PRSS12: variants seen among roughly 807,000 people sequenced by gnomAD.
The protein encoded by PRSS12 is neurotrypsin.
A neutral mutation model predicts 104.4 loss-of-function variants in PRSS12; 85 were observed. The ratio of observed to expected loss-of-function variants is 0.81; its 90% CI spans 0.68 to 0.98. The LOEUF (loss-of-function observed/expected upper bound fraction) is 0.98, where lower values mean the gene tolerates loss of function less well. Ranked by LOEUF, PRSS12 falls within the 50% of genes least tolerant of loss-of-function variation. PRSS12 has a pLI of 0.00. For synonymous variants in PRSS12, 454 were observed against 425.2 expected (o/e 1.07, Z -0.83); for missense variants, 1,141 against 1,139.2 (o/e 1.00, Z -0.02).
chr4:118,324,983 G>A (rs28604281), intron 4 of PRSS12, among the ~76,000 whole-genome samples: 27,692 of 151,978 alleles, frequency 0.18, 2,933 homozygotes, highest in South Asian at 0.34. Flanking sequence ...GATTACAGGC[G>A]TGAGCCACCA....
intron 3 of PRSS12, among the ~76,000 whole-genome samples, chr4:118,332,181 T>A (rs1723938634): frequency 6.6e-6 from 1 of 152,226 alleles, no homozygotes. Flanking sequence ...GTTTGATTTG[T>A]ATAGTATTAT....
chr4:118,303,646 A>C (rs1743457154), intron 8 of PRSS12: 1 of 152,164 alleles, frequency 6.6e-6, no homozygotes. Flanking sequence ...ATTAGTCTTT[A>C]AACTGGATGT....
intron 8 of PRSS12, among the ~76,000 whole-genome samples, chr4:118,304,508 A>G (rs1743489114): frequency 6.6e-6 from 1 of 152,026 alleles, no homozygotes. Flanking sequence ...TTAGATCTCT[A>G]TTAAAGCAGT....
intron 1 of PRSS12, among the ~76,000 whole-genome samples, chr4:118,347,664 T>C (rs992396751): frequency 2.0e-5 from 3 of 152,162 alleles, no homozygotes; most frequent in African/African-American, 7.2e-5. Context: ...CACTAAGTTA[T>C]TGCAATCTAT....
At chr4:118,304,852 C>T (rs1480085117) in intron 8 of PRSS12, among the ~76,000 whole-genome samples, 1 of 151,796 alleles carries the variant, frequency 6.6e-6, no homozygotes, top group African/African-American at 2.4e-5. Flanking sequence ...TCTGTCTTTC[C>T]CATTATGAAA....
intron 11 of PRSS12, among the ~76,000 whole-genome samples, chr4:118,284,814 G>A (rs1299027914): frequency 6.6e-6 from 1 of 152,056 alleles, no homozygotes; most frequent in African/African-American, 2.4e-5. Flanking sequence ...TTTTGTGCCG[G>A]CATCTAACTG....
At position 118,280,364 on chromosome 4, in the gene PRSS12, G is replaced by A. The variant is rs544248891; in HGVS notation, c.*1572C>T. The A allele has an allele frequency of 6.5e-5, 9 of 139,028 alleles. No individual in the cohort carries two copies. The highest frequency in any genetic ancestry group is 2.0e-4 in the East Asian group (1 of 5,102). 8.6% of individuals were successfully genotyped at this position (139,028 alleles called of 1,614,324 possible). ...TGTGTAGTTCTATTTACATATAAAC[G>A]CTACTTTAAAAGTTTATCAAAATCA... On this transcript the variant is annotated 3_prime_UTR_variant, in exon 13 of 13. Transcript: ENST00000296498.
intron 2 of PRSS12, among the ~76,000 whole-genome samples, chr4:118,337,512 T>C (rs528372363): frequency 6.6e-6 from 1 of 152,280 alleles, no homozygotes; most frequent in East Asian, 1.9e-4. Context: ...GTAAAGACAG[T>C]GCCTAGGGTT....
chr4:118,294,637 GAT>G (rs1339120190), intron 11 of PRSS12, among the ~76,000 whole-genome samples: 1 of 152,038 alleles, frequency 6.6e-6, no homozygotes, highest in East Asian at 1.9e-4. Flanking sequence ...CCTCCACAAA[GAT>G]ATAATTTCAG....
intron 3 of PRSS12, among the ~76,000 whole-genome samples, chr4:118,333,708 G>C (rs1436003775): frequency 6.6e-6 from 1 of 152,138 alleles, no homozygotes; most frequent in Non-Finnish European, 1.5e-5. Context: ...AAACCATCTA[G>C]GACCTAGACA....
chr4:118,338,420 C>T (rs1206496139), intron 1 of PRSS12, 106 bp from the exon 2 acceptor site: 2 of 1,404,864 alleles, frequency 1.4e-6, no homozygotes, highest in Non-Finnish European at 2.0e-6. Context: ...AGTAAGGGAT[C>T]CAGGCAGAAT....
At chr4:118,325,976 T>G (rs1261376848) in intron 4 of PRSS12, among the ~76,000 whole-genome samples, 3 of 152,196 alleles carry the variant, frequency 2.0e-5, no homozygotes, top group Non-Finnish European at 4.4e-5. Flanking sequence ...CATTCTTAAA[T>G]CTAAATTTAG....
rs1019244656 is a variant in PRSS12 at position 118,313,311 on chromosome 4, G to C, written c.1379C>G (p.Thr460Ser). The C allele has an allele frequency of 6.2e-6, 10 of 1,613,980 alleles. No homozygotes were observed. Among genetic ancestry groups the C allele is most frequent in the African/African-American group, 1.3e-5 (1 of 74,886 alleles). The part of the protein sequence containing the change: ...LDDVSCSGKE[T>S]RFLQCSRRQW... The stretch of plus-strand genomic sequence containing the variant: ...TCGCCTGGAACACTGAAGAAATCTG[G>C]TTTCCTTTCCTGAGCAGCTGACGTC... The change falls in exon 7 of 13, where the codon ACC (threonine) becomes AGC (serine). Residue 460 changes from threonine to serine, a missense_variant. Physicochemically the swap from Thr to Ser is moderately conservative, Grantham distance 58. Transcript: ENST00000296498.
intron 1 of PRSS12, among the ~76,000 whole-genome samples, chr4:118,345,028 T>C (rs878914546): frequency 7.2e-5 from 11 of 152,190 alleles, no homozygotes; most frequent in Admixed American, 2.6e-4. Context: ...ATGAAAATGC[T>C]TATTATTCTT....
chr4:118,300,223 G>A (rs1743373378), intron 8 of PRSS12, among the ~76,000 whole-genome samples: 1 of 151,822 alleles, frequency 6.6e-6, no homozygotes, highest in Non-Finnish European at 1.5e-5. Context: ...ATGTTGCCTA[G>A]GCTAATCTCC....
At chr4:118,291,876 T>C (rs1743135845) in intron 11 of PRSS12, among the ~76,000 whole-genome samples, 1 of 152,130 alleles carries the variant, frequency 6.6e-6, no homozygotes, top group African/African-American at 2.4e-5. Context: ...TTCAGCCAAA[T>C]TTCCTGGAAC....
chr4:118,323,989 T>C (rs1723700139), intron 4 of PRSS12, among the ~76,000 whole-genome samples: 1 of 151,900 alleles, frequency 6.6e-6, no homozygotes, highest in Admixed American at 6.6e-5. Context: ...AAACTCTGCC[T>C]CCCAGGCTCA....
intron 7 of PRSS12, among the ~76,000 whole-genome samples, chr4:118,309,755 T>C (rs760348250): frequency 3.3e-5 from 5 of 152,190 alleles, no homozygotes; most frequent in Non-Finnish European, 5.9e-5. Context: ...ACTAGGGAGG[T>C]AGAAGTCTGC....
In PRSS12 at chr4:118,350,004, A is replaced by AAAAT. The variant is rs1214950561; in HGVS notation, c.502+2211_502+2214dup. Among the ~76,000 whole-genome samples the AAAAT allele has an allele frequency of 4.6e-5, 7 of 152,292 alleles. No individual in the cohort carries two copies. The South Asian group carries it at 6.2e-4, about 14-fold the overall frequency. ...GGTGACAGACGAAGACCCTTGTCAAAAAATAAATAAATAAATAAAAATAAA... is the reference window on the plus strand; with the variant it reads ...GGTGACAGACGAAGACCCTTGTCAAAAAATAAATAAATAAATAAATAAAAATAAA... On this transcript the variant is annotated intron_variant, in intron 1 of 12. Coordinates refer to ENST00000296498, the MANE Select transcript of PRSS12 (RefSeq NM_003619.4).
Sources: allele counts gnomAD v4.1 joint callset (sites outside exome capture counted in the v4.1 genomes callset), GRCh38; gene constraint gnomAD v4.1.1; transcripts MANE v1.5; gene names NCBI Gene and HGNC (gene_info 2026-07-23, HGNC 2026-07-21).